The following CSMD1 variants were observed in gnomAD, a reference collection of about 807,000 sequenced individuals.
The protein encoded by CSMD1 is CUB and sushi domain-containing protein 1.
A neutral mutation model predicts 417.5 loss-of-function variants in CSMD1; 213 were observed. That is an observed-to-expected ratio of 0.51 (90% CI 0.46 to 0.57). The LOEUF (loss-of-function observed/expected upper bound fraction) is 0.57, where lower values mean the gene tolerates loss of function less well. CSMD1 is among the 20% of genes least tolerant of loss of function. The pLI is 0.00. For synonymous variants in CSMD1, 2,862 were observed against 1,736.8 expected (o/e 1.65, Z -16.11); for missense variants, 6,923 against 4,529.7 (o/e 1.53, Z -15.17).
intron 3 of CSMD1, among the ~76,000 whole-genome samples, chr8:4,405,816 G>A (rs982964077): frequency 2.6e-5 from 4 of 152,196 alleles, no homozygotes; most frequent in African/African-American, 9.7e-5. Context: ...CCTGGGCGGA[G>A]CAGTGCGTGC....
intron 5 of CSMD1, among the ~76,000 whole-genome samples, chr8:3,881,496 G>A (rs1448889753): frequency 6.6e-6 from 1 of 150,954 alleles, no homozygotes; most frequent in East Asian, 1.9e-4. Flanking sequence ...AATTAGCTGG[G>A]CGTAGTGGTG....
chr8:3,783,404 G>C (rs1391524432), intron 5 of CSMD1, among the ~76,000 whole-genome samples: 1 of 152,220 alleles, frequency 6.6e-6, no homozygotes, highest in Non-Finnish European at 1.5e-5. Flanking sequence ...CCCACGGCTG[G>C]CACAGTCAGG....
intron 3 of CSMD1, among the ~76,000 whole-genome samples, chr8:4,394,644 G>T (rs775391088): frequency 6.7e-6 from 1 of 149,746 alleles, no homozygotes. Context: ...TCCTGTGATA[G>T]TAGTAGAATT....
At chr8:3,657,983 T>A (rs1046661291) in intron 7 of CSMD1, among the ~76,000 whole-genome samples, 1 of 152,140 alleles carries the variant, frequency 6.6e-6, no homozygotes, top group African/African-American at 2.4e-5. Flanking sequence ...TCAAATATAT[T>A]CTATAAAGAG....
chr8:4,066,684 T>C (rs144652854), intron 3 of CSMD1, among the ~76,000 whole-genome samples: 2,954 of 152,252 alleles, frequency 0.019, 47 homozygotes, highest in Non-Finnish European at 0.027. Context: ...TTCTATTCTA[T>C]CCAACCTGAA....
At chr8:4,002,523 G>C (rs1438905415) in intron 4 of CSMD1, among the ~76,000 whole-genome samples, 2 of 152,146 alleles carry the variant, frequency 1.3e-5, no homozygotes, top group East Asian at 1.9e-4. Flanking sequence ...AGAGGAAACA[G>C]TTTTCAAAGC....
chr8:3,015,941 A>G (rs1483856451), intron 52 of CSMD1, among the ~76,000 whole-genome samples: 1 of 152,156 alleles, frequency 6.6e-6, no homozygotes, highest in Non-Finnish European at 1.5e-5. Context: ...ATGCGCCTCC[A>G]GAGGGGACTA....
At chr8:2,962,321 T>C in intron 61 of CSMD1, 145 bp downstream of exon 61, 1 of 671,984 alleles carries the variant, frequency 1.5e-6, no homozygotes, top group Non-Finnish European at 2.5e-6. Context: ...TGCGCAATCC[T>C]ACTCAGTGCA....
intron 33 of CSMD1, among the ~76,000 whole-genome samples, chr8:3,194,408 CTATTT>C (rs201987474): frequency 0.11 from 14,180 of 134,682 alleles, 736 homozygotes; most frequent in East Asian, 0.14. Flanking sequence ...ATCTGATTAA[CTATTT>C]TATTTTATTT....
chr8:4,730,377 A>C (rs969968818), intron 1 of CSMD1, among the ~76,000 whole-genome samples: 1 of 152,200 alleles, frequency 6.6e-6, no homozygotes, highest in Non-Finnish European at 1.5e-5. Flanking sequence ...TATTCAAACT[A>C]AATTTGTAAA....
At chr8:3,152,255 G>C (rs547085209) in intron 39 of CSMD1, among the ~76,000 whole-genome samples, 4 of 152,218 alleles carry the variant, frequency 2.6e-5, no homozygotes, top group Non-Finnish European at 5.9e-5. Flanking sequence ...TGACTACAAA[G>C]AGACACAACT....
intron 55 of CSMD1, among the ~76,000 whole-genome samples, chr8:2,975,139 T>C (rs1025303819): frequency 1.3e-5 from 2 of 152,214 alleles, no homozygotes; most frequent in Non-Finnish European, 2.9e-5. Context: ...GGCAGTCTAA[T>C]ATGTATAAGT....
Position 4,743,684 on chromosome 8 carries a change from C to A in CSMD1, c.86-106126G>T, listed in dbSNP as rs77129952. Among the ~76,000 whole-genome samples, 536 of 152,286 alleles carry A rather than the reference C, an allele frequency of 3.5e-3. 1 individual carries two copies. The highest frequency in any genetic ancestry group is 0.012 in the African/African-American group (509 of 41,558). ...TGAGTTTAGTTAATTTGAGTCAAAG[C>A]TTTCTTCTGCTCTAACCACTTCTGG... On this transcript the variant is annotated intron_variant, in intron 1 of 69. Transcript: ENST00000635120.
At chr8:4,400,925 A>AC (rs1333536663) in intron 3 of CSMD1, among the ~76,000 whole-genome samples, 2 of 149,998 alleles carry the variant, frequency 1.3e-5, no homozygotes, top group Non-Finnish European at 3.0e-5. Flanking sequence ...TCAGTACAAT[A>AC]CCAACTTCAC....
At chr8:4,425,702 C>A (rs1390959212) in intron 2 of CSMD1, among the ~76,000 whole-genome samples, 1 of 152,124 alleles carries the variant, frequency 6.6e-6, no homozygotes, top group Non-Finnish European at 1.5e-5. Context: ...TTATTTTCAA[C>A]ACATAGTAAA....
chr8:3,924,914 A>G (rs1215976105), intron 5 of CSMD1, among the ~76,000 whole-genome samples: 3 of 152,080 alleles, frequency 2.0e-5, no homozygotes, highest in Admixed American at 1.3e-4. Flanking sequence ...TGGTACCATT[A>G]TATTTCCTTT....
chr8:4,085,875 T>G (rs887832651), intron 3 of CSMD1, among the ~76,000 whole-genome samples: 5 of 152,292 alleles, frequency 3.3e-5, no homozygotes, highest in Admixed American at 3.3e-4. Flanking sequence ...CGGGCTGTAT[T>G]ATTATTGTAC....
chr8:3,811,644 T>C (rs1400804267), intron 5 of CSMD1, among the ~76,000 whole-genome samples: 3 of 152,108 alleles, frequency 2.0e-5, no homozygotes, highest in African/African-American at 7.2e-5. Context: ...GTCAGGCCAT[T>C]CCTTGCCACC....
At chr8:3,807,362 T>C (rs1170263066) in intron 5 of CSMD1, among the ~76,000 whole-genome samples, 2 of 152,200 alleles carry the variant, frequency 1.3e-5, no homozygotes, top group Non-Finnish European at 2.9e-5. Flanking sequence ...GTGATTAATC[T>C]GGGAATATTC....
Sources: gnomAD v4.1 joint callset for allele counts (sites outside exome capture counted in the v4.1 genomes callset) on GRCh38, gnomAD v4.1.1 for gene constraint, MANE v1.5 for transcripts, NCBI Gene and HGNC (gene_info 2026-07-23, HGNC 2026-07-21) for gene names.